Variants in L3MBTL4 observed in about 807,000 individuals in gnomAD.
L3MBTL4 encodes L3MBTL histone methyl-lysine binding protein 4.
Under a neutral mutation model 84.5 loss-of-function variants are expected in L3MBTL4, and 70 were observed. The ratio of observed to expected loss-of-function variants is 0.83; its 90% CI spans 0.68 to 1.01. L3MBTL4 has a LOEUF of 1.01. Ranked by LOEUF, L3MBTL4 falls within the 50% of genes least tolerant of loss-of-function variation. The probability of loss-of-function intolerance (pLI) is 0.00; values close to 1 mark genes in which losing one functional copy is unlikely to be tolerated. For missense variants in L3MBTL4, 715 were observed against 754.8 expected (o/e 0.95, Z 0.62); for synonymous variants, 274 against 259.8 (o/e 1.05, Z -0.52).
At chr18:6,113,738 A>T (rs1347146910) in intron 14 of L3MBTL4, among the ~76,000 whole-genome samples, 4 of 152,216 alleles carry the variant, frequency 2.6e-5, no homozygotes, top group Non-Finnish European at 5.9e-5. Flanking sequence ...ACATCCTACT[A>T]ATAATGAACA....
chr18:6,361,609 GA>G (rs2053698395), intron 1 of L3MBTL4, among the ~76,000 whole-genome samples: 1 of 152,154 alleles, frequency 6.6e-6, no homozygotes, highest in African/African-American at 2.4e-5. Flanking sequence ...TCCTCATGTG[GA>G]AATGGAGGAA....
chr18:6,112,656 G>T (rs2059230457), intron 14 of L3MBTL4, among the ~76,000 whole-genome samples: 1 of 152,112 alleles, frequency 6.6e-6, no homozygotes, highest in African/African-American at 2.4e-5. Context: ...CCCAATTTTT[G>T]TCTGAATCTC....
intron 13 of L3MBTL4, among the ~76,000 whole-genome samples, chr18:6,142,118 C>T (rs1053536639): frequency 1.3e-5 from 2 of 152,180 alleles, no homozygotes; most frequent in South Asian, 2.1e-4. Context: ...GAGGAGGTTA[C>T]GTCCTCATTT....
rs1251624811 is a variant in L3MBTL4, at chr18:5,969,624, G to A, written c.1445-62C>T. 6.6e-6 allele frequency: 10 copies of A among 1,519,928 alleles called. No individual in the cohort carries two copies. The East Asian group carries it at 2.1e-4, about 31-fold the overall frequency. The allele number at this position is 1,519,928 out of a possible 1,614,324, so 94.2% of individuals were successfully genotyped here. A position where few individuals can be genotyped will look rare whatever the true frequency, so the allele number is the denominator to read the frequency against. ...CCAGAGAGCAAGCACTGCTGTGTCA[G>A]CCCCGCAGTCCGGAGGGCCCAAGTC... On this transcript the variant is annotated intron_variant, in intron 16 of 18. Transcript: ENST00000317931.
chr18:6,051,194 A>T (rs1177071972), intron 16 of L3MBTL4, among the ~76,000 whole-genome samples: 1 of 152,234 alleles, frequency 6.6e-6, no homozygotes, highest in Non-Finnish European at 1.5e-5. Context: ...ACTCTGGGGC[A>T]ATGAGATGCC....
At chr18:6,083,375 T>C (rs1294612021) in intron 15 of L3MBTL4, among the ~76,000 whole-genome samples, 1 of 152,148 alleles carries the variant, frequency 6.6e-6, no homozygotes, top group East Asian at 1.9e-4. Context: ...CTTGTTTGGC[T>C]GAAGCACCAT....
At chr18:6,385,256 G>A (rs1196090189) in intron 1 of L3MBTL4, among the ~76,000 whole-genome samples, 3 of 152,022 alleles carry the variant, frequency 2.0e-5, no homozygotes, top group African/African-American at 7.3e-5. Context: ...ATAGTATTTG[G>A]CTGAGCATAG....
At chr18:5,967,020 A>C (rs558720) in intron 17 of L3MBTL4, among the ~76,000 whole-genome samples, 83,330 of 151,772 alleles carry the variant, frequency 0.55, 24,187 homozygotes, top group East Asian at 0.77. Flanking sequence ...TCTCCTTCTC[A>C]TCCACCTCTT....
intron 12 of L3MBTL4, among the ~76,000 whole-genome samples, chr18:6,188,595 G>C (rs2044901736): frequency 1.3e-5 from 2 of 152,214 alleles, no homozygotes; most frequent in Non-Finnish European, 2.9e-5. Context: ...CAGCTCAGGG[G>C]CCTGTGCTGA....
At chr18:6,088,221 C>A (rs62079163) in intron 15 of L3MBTL4, among the ~76,000 whole-genome samples, 7,422 of 152,162 alleles carry the variant, frequency 0.049, 216 homozygotes, top group African/African-American at 0.082. Flanking sequence ...ATAGGACTGG[C>A]CTTAGCAAGG....
intron 5 of L3MBTL4, among the ~76,000 whole-genome samples, chr18:6,246,641 T>A (rs1913915455): frequency 6.6e-6 from 1 of 152,196 alleles, no homozygotes; most frequent in African/African-American, 2.4e-5. Flanking sequence ...ACGTGGCTCA[T>A]GCCTGTAATC....
chr18:6,349,509 G>A (rs548302060), intron 1 of L3MBTL4, among the ~76,000 whole-genome samples: 20 of 152,218 alleles, frequency 1.3e-4, no homozygotes, highest in African/African-American at 3.9e-4. Context: ...TGGGAGGATC[G>A]CTTGAGGCCA....
At chr18:6,338,266 AG>A (rs1473721071) in intron 1 of L3MBTL4, among the ~76,000 whole-genome samples, 1 of 151,974 alleles carries the variant, frequency 6.6e-6, no homozygotes, top group Non-Finnish European at 1.5e-5. Context: ...GAGAGGAGAG[AG>A]TTCTTCAGGT....
chr18:6,342,660 G>A (rs1302436183), intron 1 of L3MBTL4, among the ~76,000 whole-genome samples: 1 of 151,846 alleles, frequency 6.6e-6, no homozygotes, highest in Admixed American at 6.6e-5. Context: ...AACAGAGGAA[G>A]AAAGGAACAA....
At chr18:6,390,338 A>G (rs976321134) in intron 1 of L3MBTL4, among the ~76,000 whole-genome samples, 4 of 152,192 alleles carry the variant, frequency 2.6e-5, no homozygotes, top group Non-Finnish European at 5.9e-5. Flanking sequence ...AGCAATGCTA[A>G]GGGTAAAGTT....
At position 6,372,386 on chromosome 18, in the gene L3MBTL4, G is replaced by A. The variant is rs183731570; in HGVS notation, c.-91+42415C>T. 4.1e-3 allele frequency among the ~76,000 whole-genome samples: 626 copies of A among 152,274 alleles called. 6 individuals carry two copies. Among genetic ancestry groups the A allele is most frequent in the Middle Eastern group, 0.02 (6 of 294 alleles). ...AGACACCCCTTTGCCTCTGACCCAG[G>A]AGTCTTGTGTCCTCTGCCAGCACCC... On this transcript the variant is annotated intron_variant, in intron 1 of 18. Coordinates refer to ENST00000317931, the MANE Select transcript of L3MBTL4 (RefSeq NM_001330559.2).
chr18:6,294,714 C>CAAA (rs139320981), intron 4 of L3MBTL4, among the ~76,000 whole-genome samples: 1,985 of 151,696 alleles, frequency 0.013, 53 homozygotes, highest in African/African-American at 0.046. Flanking sequence ...CTCAATCAAT[C>CAAA]AAAACAAAAC....
At chr18:6,265,779 C>T (rs920553822) in intron 4 of L3MBTL4, among the ~76,000 whole-genome samples, 1 of 152,070 alleles carries the variant, frequency 6.6e-6, no homozygotes, top group African/African-American at 2.4e-5. Flanking sequence ...CTCATTGAAG[C>T]AGTGCTTAGA....
At position 6,237,972 on chromosome 18, in the gene L3MBTL4, G is replaced by A; in HGVS notation, c.776C>T (p.Ala259Val). The A allele has an allele frequency of 6.2e-7, 1 of 1,613,804 alleles. No homozygotes were observed. The highest frequency in any genetic ancestry group is 8.5e-7 in the Non-Finnish European group (1 of 1,179,694). Reference sequence around the variant, plus strand: ...CCAGGCAGTCCACTCACCTTGGGGTGCTATCAGAGTTCTTCCATTCTCCTG... The same window carrying A: ...CCAGGCAGTCCACTCACCTTGGGGTACTATCAGAGTTCTTCCATTCTCCTG... ...WCQENGRTLI[A>V]PQGYPNPENF... Residue 259 changes from alanine (A) to valine (V), a missense_variant, in exon 10 of 19, where the codon GCA (alanine) becomes GTA (valine). By Grantham distance (64) the Ala-to-Val change is moderately conservative. Coordinates refer to ENST00000317931, the MANE Select transcript of L3MBTL4 (RefSeq NM_001330559.2).
Sources: allele counts gnomAD v4.1 joint callset (sites outside exome capture counted in the v4.1 genomes callset), GRCh38; gene constraint gnomAD v4.1.1; transcripts MANE v1.5; gene names NCBI Gene and HGNC (gene_info 2026-07-23, HGNC 2026-07-21).